The following PDE4B variants were observed in gnomAD, a reference collection of about 807,000 sequenced individuals.
PDE4B encodes phosphodiesterase 4B.
Under a neutral mutation model 82.2 loss-of-function variants are expected in PDE4B, and 20 were observed. That is an observed-to-expected ratio of 0.24 (90% confidence interval 0.17 to 0.35). The LOEUF is 0.35. Ranked by LOEUF, PDE4B falls within the 10% of genes least tolerant of loss-of-function variation. The pLI, the probability that PDE4B is intolerant of heterozygous loss-of-function variation, is 1.00. For missense variants in PDE4B, 655 were observed against 907.2 expected (o/e 0.72, Z 3.57); for synonymous variants, 320 against 318.9 (o/e 1.00, Z -0.04).
At chr1:66,327,869 A>G (rs1659845095) in intron 7 of PDE4B, among the ~76,000 whole-genome samples, 1 of 152,250 alleles carries the variant, frequency 6.6e-6, no homozygotes, top group Non-Finnish European at 1.5e-5. Flanking sequence ...CTTTAAATGC[A>G]GCATTTTCAG....
intron 1 of PDE4B, among the ~76,000 whole-genome samples, chr1:65,850,110 C>T (rs906540136): frequency 1.0e-5 from 1 of 97,474 alleles, no homozygotes; most frequent in African/African-American, 4.0e-5. Context: ...TTGCCCTGCA[C>T]TTTTTTTTTT....
intron 3 of PDE4B, among the ~76,000 whole-genome samples, chr1:65,988,367 G>T (rs1031874276): frequency 6.6e-6 from 1 of 152,090 alleles, no homozygotes; most frequent in Non-Finnish European, 1.5e-5. Flanking sequence ...TTTGGGGGTT[G>T]CTGTAGTTAT....
Position 66,188,286 on chromosome 1 carries a change from T to C in PDE4B, c.282-59174T>C, listed in dbSNP as rs1647374557. Reference sequence around the variant, plus strand: ...GGTCAATTTTGCAATAGGTGTGGTGTGGTGCTGAAAAGAATGTATATTCTG... The same window carrying C: ...GGTCAATTTTGCAATAGGTGTGGTGCGGTGCTGAAAAGAATGTATATTCTG... On this transcript the variant is annotated intron_variant, in intron 3 of 16. Coordinates refer to ENST00000341517, the MANE Select transcript of PDE4B (RefSeq NM_002600.4). Among the ~76,000 whole-genome samples, 3 of 151,544 alleles carry C rather than the reference T, an allele frequency of 2.0e-5. No homozygotes were observed. In the South Asian group the frequency reaches 6.3e-4, roughly 32 times the overall value.
intron 3 of PDE4B, among the ~76,000 whole-genome samples, chr1:65,960,268 G>A (rs1044766798): frequency 8.6e-5 from 13 of 151,880 alleles, no homozygotes; most frequent in African/African-American, 2.7e-4. Flanking sequence ...CAGTAAATTC[G>A]CAGAACACAG....
At chr1:65,815,885 T>A (rs1315728359) in intron 1 of PDE4B, among the ~76,000 whole-genome samples, 1 of 152,162 alleles carries the variant, frequency 6.6e-6, no homozygotes, top group Non-Finnish European at 1.5e-5. Context: ...CTGCCTCAAG[T>A]TTTTACATAA....
intron 7 of PDE4B, among the ~76,000 whole-genome samples, chr1:66,268,045 T>C (rs1472164330): frequency 2.0e-5 from 3 of 152,218 alleles, no homozygotes; most frequent in Non-Finnish European, 4.4e-5. Context: ...TATTTCTCAG[T>C]ACTGAAGTTG....
At chr1:66,327,149 C>T (rs1659800596) in intron 7 of PDE4B, among the ~76,000 whole-genome samples, 1 of 152,188 alleles carries the variant, frequency 6.6e-6, no homozygotes, top group Non-Finnish European at 1.5e-5. Flanking sequence ...CTGGATCTCT[C>T]CCTCTTCCCA....
chr1:66,115,356 A>G (rs1645574513), intron 3 of PDE4B, among the ~76,000 whole-genome samples: 1 of 152,338 alleles, frequency 6.6e-6, no homozygotes, highest in South Asian at 2.1e-4. Context: ...AACTCCCCAG[A>G]TAGTTCTAAT....
At position 66,368,043 on chromosome 1, in the gene PDE4B, A is replaced by C. The variant is rs116816923; in HGVS notation, c.1640A>C (p.Asp547Ala). The C allele has an allele frequency of 6.2e-7, 1 of 1,613,840 alleles. No homozygotes were observed. The highest frequency in any genetic ancestry group is 8.5e-7 in the Non-Finnish European group (1 of 1,179,812). Residue 547 changes from aspartate (D) to alanine (A), a missense_variant, in exon 15 of 17, where the codon GAC becomes GCC. Asp to Ala is a moderately radical substitution (Grantham distance 126, BLOSUM62 -2). This residue lies in a region of PDE4B where 283 missense variants were observed against 516.4 expected (regional missense o/e 0.55). Transcript: ENST00000341517. ...KVTSSGVLLL[D>A]NYTDRIQVLR... ...ACAAGTTCAGGCGTTCTTCTCCTAG[A>C]CAACTATACCGATCGCATTCAGGTA...
chr1:65,925,347 T>C (rs1229289302), intron 3 of PDE4B, among the ~76,000 whole-genome samples: 1 of 152,148 alleles, frequency 6.6e-6, no homozygotes, highest in African/African-American at 2.4e-5. Context: ...AAAAATTCCT[T>C]ACTACTATTT....
At chr1:66,061,567 A>G (rs1053129476) in intron 3 of PDE4B, among the ~76,000 whole-genome samples, 25 of 152,096 alleles carry the variant, frequency 1.6e-4, no homozygotes, top group Non-Finnish European at 4.4e-5. Flanking sequence ...ACTTTACTGA[A>G]GTTCTGTGAG....
intron 1 of PDE4B, among the ~76,000 whole-genome samples, chr1:65,908,495 A>G (rs1647051810): frequency 6.6e-6 from 1 of 152,162 alleles, no homozygotes; most frequent in Non-Finnish European, 1.5e-5. Context: ...ATAGCAAGGA[A>G]CAGAGAAGAA....
At chr1:66,056,422 G>T (rs1376544478) in intron 3 of PDE4B, among the ~76,000 whole-genome samples, 1 of 152,038 alleles carries the variant, frequency 6.6e-6, no homozygotes, top group Non-Finnish European at 1.5e-5. Context: ...AGGAGCCAAA[G>T]AATGAAGGCA....
At chr1:65,983,078 A>G (rs914984503) in intron 3 of PDE4B, among the ~76,000 whole-genome samples, 1 of 152,146 alleles carries the variant, frequency 6.6e-6, no homozygotes, top group Non-Finnish European at 1.5e-5. Context: ...TCAACATCTA[A>G]TGGAATTTTT....
At chr1:66,367,519 TAGAAA>T in intron 13 of PDE4B, 172 bp from the exon 14 acceptor site, 1 of 539,244 alleles carries the variant, frequency 1.9e-6, no homozygotes, top group East Asian at 3.0e-5. Flanking sequence ...ATTTTTTGCT[TAGAAA>T]CTGATGACTT....
At position 65,805,034 on chromosome 1, in the gene PDE4B, G is replaced by A. The variant is rs536217033; in HGVS notation, c.-71+11786G>A. On this transcript the variant is annotated intron_variant, in intron 1 of 16. Coordinates refer to ENST00000341517, the MANE Select transcript of PDE4B (RefSeq NM_002600.4). ...GGCTGGGGTGCAGTGGTACGATCTC[G>A]GCTCACTGCAACCTCTGCCTCCAGG... is the stretch of plus-strand genomic sequence containing the variant. Among the ~76,000 whole-genome samples, 244 of 151,554 alleles carry A rather than the reference G, an allele frequency of 1.6e-3. 1 individual carries two copies. The highest frequency in any genetic ancestry group is 2.5e-3 in the Non-Finnish European group (170 of 67,834).
At chr1:66,098,796 A>G (rs1223112070) in intron 3 of PDE4B, among the ~76,000 whole-genome samples, 1 of 152,154 alleles carries the variant, frequency 6.6e-6, no homozygotes, top group Non-Finnish European at 1.5e-5. Flanking sequence ...ACTTTTCTTT[A>G]ACTCTCCCAC....
At chr1:66,010,378 G>A (rs1652417298) in intron 3 of PDE4B, among the ~76,000 whole-genome samples, 1 of 151,672 alleles carries the variant, frequency 6.6e-6, no homozygotes, top group African/African-American at 2.4e-5. Context: ...CATTTGGCAA[G>A]TATACTAAAC....
At chr1:66,080,140 T>C (rs1656648371) in intron 3 of PDE4B, among the ~76,000 whole-genome samples, 2 of 152,154 alleles carry the variant, frequency 1.3e-5, no homozygotes, top group African/African-American at 2.4e-5. Context: ...TTGGCACATC[T>C]CTGAGAATAA....
Sources: gnomAD v4.1 joint callset for allele counts (sites outside exome capture counted in the v4.1 genomes callset) on GRCh38, gnomAD v4.1.1 for gene constraint, gnomAD v4.1.1 regional missense constraint, MANE v1.5 for transcripts, NCBI Gene and HGNC (gene_info 2026-07-23, HGNC 2026-07-21) for gene names.